ZNF100: variants seen among roughly 807,000 people sequenced by gnomAD.
ZNF100 encodes zinc finger protein 100.
ZNF100 carries 12 observed loss-of-function variants against 15.8 expected under a neutral mutation model. The observed-to-expected ratio is 0.76, with a 90% CI of 0.49 to 1.23. ZNF100 has a LOEUF of 1.23. ZNF100 is among the 50% of genes most tolerant of loss of function. ZNF100 has a pLI of 0.00. For missense variants in ZNF100, 670 were observed against 635.6 expected, an observed-to-expected ratio of 1.05 and a Z score of -0.58; for synonymous variants, 226 against 214.8, an observed-to-expected ratio of 1.05 and a Z score of -0.45.
intron 1 of ZNF100, among the ~76,000 whole-genome samples, chr19:21,767,056 A>G (rs2036575499): frequency 6.6e-6 from 1 of 152,196 alleles, no homozygotes; most frequent in Admixed American, 6.5e-5. Flanking sequence ...AGGAGAAAAG[A>G]GGAACTGGGA....
At chr19:21,729,160 A>T (rs2035868798) in intron 4 of ZNF100, among the ~76,000 whole-genome samples, 1 of 152,106 alleles carries the variant, frequency 6.6e-6, no homozygotes, top group African/African-American at 2.4e-5. Flanking sequence ...ACAGCCAGTG[A>T]ATTGTCAATA....
In ZNF100 at chr19:21,727,073, G is replaced by A. The variant is rs115256934; in HGVS notation, c.1239C>T (p.Ser413=). 3.7e-3 allele frequency: 5,974 copies of A among 1,613,606 alleles called. 169 individuals carry two copies. The African/African-American group carries it at 0.062, about 17-fold the overall frequency. The change falls in exon 5 of 5, where the codon TCC becomes TCT. Residue 413 remains serine, a synonymous_variant. Coordinates refer to ENST00000358296, the MANE Select transcript of ZNF100 (RefSeq NM_173531.4). The part of the protein sequence containing the change: ...CEECGKGFNW[S]SALTKHKRIH... ...TTCTCTTATGTTTAGTGAGGGCTGAGGACCAGTTAAAGCCTTTGCCGCATT... is the reference window on the plus strand; with the variant it reads ...TTCTCTTATGTTTAGTGAGGGCTGAAGACCAGTTAAAGCCTTTGCCGCATT...
chr19:21,723,709 T>G lies in ZNF100; in HGVS notation c.*2974A>C, dbSNP rs1417755069. The G allele has an allele frequency of 1.3e-5, 2 of 152,216 alleles. No homozygotes were observed. The highest frequency in any genetic ancestry group is 1.5e-5 in the Non-Finnish European group (1 of 68,036). 9.4% of individuals were successfully genotyped at this position (152,216 alleles called of 1,614,324 possible). ...AAGCTAACTTTAGCAGGAATACTTA[T>G]GGCTTACTATGGAGCATCTGTTACA... is the stretch of plus-strand genomic sequence containing the variant. On this transcript the variant is annotated 3_prime_UTR_variant, in exon 5 of 5. Coordinates refer to ENST00000358296, the MANE Select transcript of ZNF100 (RefSeq NM_173531.4).
intron 2 of ZNF100, chr19:21,752,055 G>A: frequency 3.9e-6 from 1 of 254,682 alleles, no homozygotes; most frequent in Non-Finnish European, 7.4e-6. Context: ...GAGACGCACG[G>A]ACAACAAGGA....
chr19:21,746,209 C>T (rs909680100), intron 2 of ZNF100, among the ~76,000 whole-genome samples: 1 of 152,150 alleles, frequency 6.6e-6, no homozygotes, highest in Admixed American at 6.5e-5. Flanking sequence ...CTAGATATTG[C>T]CCCTCCAAAA....
chr19:21,731,773 G>A (rs2035924568), intron 4 of ZNF100, among the ~76,000 whole-genome samples: 1 of 152,146 alleles, frequency 6.6e-6, no homozygotes, highest in Non-Finnish European at 1.5e-5. Flanking sequence ...GACAGAGATT[G>A]TATGAGACAC....
At chr19:21,742,786 A>G (rs1159197400) in intron 4 of ZNF100, among the ~76,000 whole-genome samples, 6 of 152,230 alleles carry the variant, frequency 3.9e-5, no homozygotes, top group African/African-American at 1.4e-4. Flanking sequence ...TTAGCAAAAT[A>G]TAAAATTAAC....
chr19:21,753,299 C>G (rs1210455287), intron 2 of ZNF100: 1 of 152,168 alleles, frequency 6.6e-6, no homozygotes, highest in Non-Finnish European at 1.5e-5. Flanking sequence ...ATGCACCGGG[C>G]ATAGTGATTC....
rs59997375 is a variant in ZNF100 at position 21,742,376 on chromosome 19, C to CTTT, written c.322+1638_322+1640dup. 1.8e-3 allele frequency among the ~76,000 whole-genome samples: 155 copies of CTTT among 86,140 alleles called. 1 individual carries two copies. Among genetic ancestry groups the CTTT allele is most frequent in the African/African-American group, 5.9e-3 (149 of 25,050 alleles). The allele number at this position is 86,140 out of a possible 152,430, so 56.5% of individuals were successfully genotyped here. On this transcript the variant is annotated intron_variant, in intron 4 of 4. Transcript: ENST00000358296. ...TTTACAACCATTAATTTTTCTTTTT[C>CTTT]TTTTTTTTTTTTTTTTTTTGAGACA... is the stretch of plus-strand genomic sequence containing the variant.
At position 21,753,908 on chromosome 19, in the gene ZNF100, A is replaced by AT. The variant is rs373249242; in HGVS notation, c.97-8842dup. 3.5e-3 allele frequency among the ~76,000 whole-genome samples: 526 copies of AT among 152,322 alleles called. 6 individuals carry two copies. The highest frequency in any genetic ancestry group is 0.012 in the African/African-American group (509 of 41,586). On this transcript the variant is annotated intron_variant, in intron 2 of 4. Transcript: ENST00000358296. ...TGTAGGTGTCCCATTAAGTCCTGCT[A>AT]TTTAAGAAATAACTTACATAACCCT...
At position 21,723,920 on chromosome 19, in the gene ZNF100, G is replaced by A. The variant is rs2035726129; in HGVS notation, c.*2763C>T. On this transcript the variant is annotated 3_prime_UTR_variant, in exon 5 of 5. Transcript: ENST00000358296. ...GTTCTCCAACTAAAAACAAAATGAA[G>A]TGTTCTAACTAAATAAAATGTAACT... 6.6e-6 allele frequency: 1 copy of A among 152,090 alleles called. No individual in the cohort carries two copies. Among genetic ancestry groups the A allele is most frequent in the Admixed American group, 6.5e-5 (1 of 15,276 alleles). 9.4% of individuals were successfully genotyped at this position (152,090 alleles called of 1,614,324 possible).
intron 2 of ZNF100, among the ~76,000 whole-genome samples, chr19:21,762,556 T>C (rs895005250): frequency 7.9e-5 from 12 of 152,216 alleles, no homozygotes; most frequent in Non-Finnish European, 1.0e-4. Context: ...ATCAAACTGA[T>C]GCTTTCTGAT....
rs2036547690 is a variant in ZNF100, at chr19:21,765,749, G to A, written c.41C>T (p.Ala14Val). 1 of 1,614,058 alleles carries A rather than the reference G, an allele frequency of 6.2e-7. No individual in the cohort carries two copies. Among genetic ancestry groups the A allele is most frequent in the Non-Finnish European group, 8.5e-7 (1 of 1,180,052 alleles). The change falls in exon 2 of 5, where the codon GCA becomes GTA. Residue 14 changes from alanine to valine, a missense_variant. Transcript: ENST00000358296. ...PRYGMCPLKG[A>V]SGCPGAERSL... ...CCTCTCAGCCCCAGGGCATCCACTT[G>A]CTCCCTTGAGAGGACACATTCCATA... is the stretch of plus-strand genomic sequence containing the variant.
chr19:21,744,192 A>T, intron 3 of ZNF100, 77 bp from the exon 4 acceptor site: 7 of 1,242,854 alleles, frequency 5.6e-6, no homozygotes, highest in Non-Finnish European at 7.4e-6. Flanking sequence ...AGTAAAGAGG[A>T]GGTGATAGAA....
At position 21,725,800 on chromosome 19, in the gene ZNF100, C is replaced by A. The variant is rs1160458941; in HGVS notation, c.*883G>T. Reference sequence around the variant, plus strand: ...TTTAGATTATTTTCTATACTCAGCACTCTGATTTAGTAAAATACCTGAAGC... The same window carrying A: ...TTTAGATTATTTTCTATACTCAGCAATCTGATTTAGTAAAATACCTGAAGC... On this transcript the variant is annotated 3_prime_UTR_variant, in exon 5 of 5. Coordinates refer to ENST00000358296, the MANE Select transcript of ZNF100 (RefSeq NM_173531.4). 6.6e-6 allele frequency: 1 copy of A among 152,092 alleles called. No homozygotes were observed. The highest frequency in any genetic ancestry group is 1.5e-5 in the Non-Finnish European group (1 of 67,986). 9.4% of individuals were successfully genotyped at this position (152,092 alleles called of 1,614,324 possible).
intron 4 of ZNF100, among the ~76,000 whole-genome samples, chr19:21,731,602 C>G (rs373674751): frequency 4.6e-5 from 7 of 151,956 alleles, no homozygotes; most frequent in African/African-American, 1.7e-4. Flanking sequence ...CCACCGTGCC[C>G]GGCAATGCAA....
chr19:21,752,495 C>T (rs1301701715), intron 2 of ZNF100: 1 of 152,592 alleles, frequency 6.6e-6, no homozygotes, highest in East Asian at 1.9e-4. Flanking sequence ...TGATGGATAA[C>T]ATTTGTCATT....
At chr19:21,751,754 C>G (rs8101035) in intron 2 of ZNF100, 1 of 1,283,262 alleles carries the variant, frequency 7.8e-7, no homozygotes, top group Non-Finnish European at 1.1e-6. Flanking sequence ...AGCAGATGAC[C>G]ACCTGAATTT....
intron 2 of ZNF100, among the ~76,000 whole-genome samples, chr19:21,747,627 T>C (rs898161317): frequency 7.2e-5 from 11 of 152,214 alleles, no homozygotes; most frequent in African/African-American, 2.4e-4. Flanking sequence ...TTCAGCACTC[T>C]TGTCACAACA....
Sources: gnomAD v4.1 joint callset for allele counts (sites outside exome capture counted in the v4.1 genomes callset) on GRCh38, gnomAD v4.1.1 for gene constraint, MANE v1.5 for transcripts, NCBI Gene and HGNC (gene_info 2026-07-23, HGNC 2026-07-21) for gene names.